The following CDH22 variants were observed in gnomAD, a reference collection of about 807,000 sequenced individuals.
CDH22 encodes the protein cadherin 22.
CDH22 carries 30 observed loss-of-function variants against 58.4 expected under a neutral mutation model. The observed-to-expected ratio is 0.51, with a 90% CI of 0.38 to 0.70. CDH22 has a LOEUF of 0.70. CDH22 is among the 30% of genes least tolerant of loss of function. The pLI, the probability that CDH22 is intolerant of heterozygous loss-of-function variation, is 0.00. For missense variants in CDH22, 1,014 were observed against 1,233.9 expected, an observed-to-expected ratio of 0.82 and a Z score of 2.67; for synonymous variants, 513 against 558.2, an observed-to-expected ratio of 0.92 and a Z score of 1.14.
At chr20:46,245,625 C>G (rs1290142404) in intron 2 of CDH22, among the ~76,000 whole-genome samples, 3 of 152,082 alleles carry the variant, frequency 2.0e-5, no homozygotes, top group African/African-American at 7.2e-5. Flanking sequence ...TCCCCAGCAC[C>G]CAGCACGGGG....
chr20:46,195,531 G>A (rs1035557536), intron 8 of CDH22, among the ~76,000 whole-genome samples: 4 of 152,138 alleles, frequency 2.6e-5, no homozygotes, highest in South Asian at 2.1e-4. Flanking sequence ...ATCAGCTTAG[G>A]GCTGGATGAC....
At chr20:46,207,783 G>A (rs994608178) in intron 7 of CDH22, among the ~76,000 whole-genome samples, 5 of 152,164 alleles carry the variant, frequency 3.3e-5, no homozygotes, top group Admixed American at 2.6e-4. Context: ...CAAGCTGTTC[G>A]TCTGTCTGGA....
At chr20:46,199,713 C>T (rs2085940946) in intron 7 of CDH22, among the ~76,000 whole-genome samples, 154 bp from the exon 8 acceptor site, 1 of 152,166 alleles carries the variant, frequency 6.6e-6, no homozygotes, top group African/African-American at 2.4e-5. Context: ...GAGCGGGAAG[C>T]AACTGGGTGT....
At chr20:46,260,755 G>A (rs967032073) in intron 1 of CDH22, among the ~76,000 whole-genome samples, 1 of 152,236 alleles carries the variant, frequency 6.6e-6, no homozygotes. Context: ...TGCCAAGGCT[G>A]TATGACTGCC....
At chr20:46,268,460 G>A (rs1490695491) in intron 1 of CDH22, among the ~76,000 whole-genome samples, 3 of 152,246 alleles carry the variant, frequency 2.0e-5, no homozygotes, top group African/African-American at 7.2e-5. Flanking sequence ...ACAGGCCTGG[G>A]GAGGCGTGGG....
At position 46,187,423 on chromosome 20, in the gene CDH22, C is replaced by T. The variant is rs146060009; in HGVS notation, c.1424-476G>A. On this transcript the variant is annotated intron_variant, in intron 8 of 11. Transcript: ENST00000537909. ...ACCATCCTTATACTGTTACCATCAC[C>T]ACTGCCATCACCACCATCACCATCA... Among the ~76,000 whole-genome samples the T allele has an allele frequency of 6.9e-3, 1,052 of 152,180 alleles. 17 individuals carry two copies. Among genetic ancestry groups the T allele is most frequent in the African/African-American group, 0.024 (1,000 of 41,498 alleles).
In CDH22 at chr20:46,230,411, C is replaced by A. The variant is rs11906307; in HGVS notation, c.551-2784G>T. The stretch of plus-strand genomic sequence containing the variant: ...TTTCAAGCTACCAACATGATATCAA[C>A]TGGCCCACAAAACTCCTGAAAATCA... On this transcript the variant is annotated intron_variant, in intron 3 of 11. Transcript: ENST00000537909. 4.4e-3 allele frequency among the ~76,000 whole-genome samples: 672 copies of A among 152,260 alleles called. 8 individuals are homozygous for A. The highest frequency in any genetic ancestry group is 0.015 in the African/African-American group (642 of 41,536).
At chr20:46,307,746 G>C (rs923124980) in intron 1 of CDH22, among the ~76,000 whole-genome samples, 5 of 152,002 alleles carry the variant, frequency 3.3e-5, no homozygotes, top group African/African-American at 1.2e-4. Flanking sequence ...GCGCGCACAC[G>C]CTCGCGCCGT....
chr20:46,251,279 C>T lies in CDH22; in HGVS notation c.16G>A (p.Glu6Lys), dbSNP rs975011913. The T allele has an allele frequency of 1.6e-5, 23 of 1,459,684 alleles. No homozygotes were observed. Among genetic ancestry groups the T allele is most frequent in the Non-Finnish European group, 2.0e-5 (22 of 1,112,946 alleles). The allele number at this position is 1,459,684 out of a possible 1,614,324, so 90.4% of individuals were successfully genotyped here. MRPRP[E>K]GRGLRAGVAL... ...ACTCCCGCCCGGAGCCCCCTACCTT[C>T]GGGCCTCGGCCTCATCCTTGGCCTG... Residue 6 changes from glutamate (E) to lysine (K), a missense_variant, in exon 2 of 12, where the codon GAA (glutamate) becomes AAA (lysine). This residue lies in a region of CDH22 where 806 missense variants were observed against 1,038.7 expected (regional missense o/e 0.78). Coordinates refer to ENST00000537909, the MANE Select transcript of CDH22 (RefSeq NM_021248.3). This position sits in a 1 kb window ranked among gnomAD's most constrained non-coding sequence, Gnocchi z 6.7.
In CDH22 at chr20:46,178,206, G is replaced by C. The variant is rs201486902; in HGVS notation, c.1664-9C>G. 124 of 1,606,432 alleles carry C rather than the reference G, an allele frequency of 7.7e-5. No individual in the cohort carries two copies. Among genetic ancestry groups the C allele is most frequent in the Non-Finnish European group, 1.0e-4 (117 of 1,174,162 alleles). On this transcript the variant is annotated splice_polypyrimidine_tract_variant and intron_variant, in intron 10 of 11. Transcript: ENST00000537909. ...CACTGCAGCGGTGTTGTCTGTTCCG[G>C]AAGAAGGGGGAGCGGTGTGACTTGG...
intron 1 of CDH22, among the ~76,000 whole-genome samples, chr20:46,253,194 C>G (rs1009380599): frequency 6.6e-5 from 10 of 152,236 alleles, no homozygotes; most frequent in African/African-American, 2.4e-4. Context: ...CAATGCCCTT[C>G]CCTTTAACTC....
At chr20:46,199,002 TTCTC>T (rs1217606912) in intron 8 of CDH22, among the ~76,000 whole-genome samples, 1 of 152,206 alleles carries the variant, frequency 6.6e-6, no homozygotes, top group Non-Finnish European at 1.5e-5. Context: ...TGTCCGTGCT[TTCTC>T]TCTGTTGATA....
At chr20:46,192,368 G>C (rs576242496) in intron 8 of CDH22, among the ~76,000 whole-genome samples, 2 of 152,204 alleles carry the variant, frequency 1.3e-5, no homozygotes, top group East Asian at 3.9e-4. Flanking sequence ...TCAGGGATTG[G>C]GTCCCCTCCA....
At chr20:46,175,719 G>A (rs970652170) in intron 11 of CDH22, among the ~76,000 whole-genome samples, 4 of 152,202 alleles carry the variant, frequency 2.6e-5, no homozygotes, top group African/African-American at 9.7e-5. Context: ...CTGGGAGCTT[G>A]TTAGAAATGC....
chr20:46,282,357 G>A (rs1406200944), intron 1 of CDH22, among the ~76,000 whole-genome samples: 1 of 152,120 alleles, frequency 6.6e-6, no homozygotes, highest in Admixed American at 6.5e-5. Context: ...GATGCATGGG[G>A]CCAAGTGCCC....
At chr20:46,268,603 G>A (rs2145755275) in intron 1 of CDH22, among the ~76,000 whole-genome samples, 1 of 152,326 alleles carries the variant, frequency 6.6e-6, no homozygotes, top group African/African-American at 2.4e-5. Context: ...ACCATGGCAA[G>A]CTCCTTAGGG....
At chr20:46,279,993 G>T (rs1222569133) in intron 1 of CDH22, among the ~76,000 whole-genome samples, 2 of 152,112 alleles carry the variant, frequency 1.3e-5, no homozygotes, top group Non-Finnish European at 2.9e-5. Flanking sequence ...TATTGAGGAG[G>T]AAACCGGGGC....
At chr20:46,268,784 C>A (rs1007538189) in intron 1 of CDH22, among the ~76,000 whole-genome samples, 2 of 152,216 alleles carry the variant, frequency 1.3e-5, no homozygotes, top group African/African-American at 4.8e-5. Flanking sequence ...CCACATCTGA[C>A]CCTCACAATA....
Position 46,251,148 on chromosome 20 carries a change from A to C in CDH22, c.147T>G (p.Ala49=). 6.3e-7 allele frequency: 1 copy of C among 1,594,966 alleles called. No individual in the cohort carries two copies. Residue 49 remains alanine, a synonymous_variant, in exon 2 of 12, where the codon GCT becomes GCG. Transcript: ENST00000537909. This position sits in a 1 kb window ranked among gnomAD's most constrained non-coding sequence, Gnocchi z 6.7. ...AGTPSPSAPG[A]RQDGALGAGR... ...CGGCTCCCAGCGCGCCGTCCTGCCGAGCTCCGGGCGCCGACGGCGAGGGTG... is the reference window on the plus strand; with the variant it reads ...CGGCTCCCAGCGCGCCGTCCTGCCGCGCTCCGGGCGCCGACGGCGAGGGTG...
Sources: allele counts gnomAD v4.1 joint callset (sites outside exome capture counted in the v4.1 genomes callset), GRCh38; gene constraint gnomAD v4.1.1; regional missense constraint gnomAD v4.1.1; non-coding constraint Gnocchi (gnomAD v3.1); transcripts MANE v1.5; gene names NCBI Gene and HGNC (gene_info 2026-07-23, HGNC 2026-07-21).